GALNTL6: variants seen among roughly 807,000 people sequenced by gnomAD.
GALNTL6 encodes polypeptide N-acetylgalactosaminyltransferase like 6.
Under a neutral mutation model 73.7 loss-of-function variants are expected in GALNTL6, and 46 were observed. The observed-to-expected ratio is 0.62, with a 90% CI of 0.49 to 0.80. GALNTL6 has a LOEUF of 0.80. GALNTL6 is among the 30% of genes least tolerant of loss of function. The probability of loss-of-function intolerance (pLI) is 0.00; values close to 1 mark genes in which losing one functional copy is unlikely to be tolerated. For synonymous variants in GALNTL6, 259 were observed against 263.7 expected, an observed-to-expected ratio of 0.98 and a Z score of 0.17; for missense variants, 604 against 755.0, an observed-to-expected ratio of 0.80 and a Z score of 2.34.
chr4:173,012,209 C>T (rs1230752116), intron 11 of GALNTL6, among the ~76,000 whole-genome samples: 1 of 152,168 alleles, frequency 6.6e-6, no homozygotes, highest in Non-Finnish European at 1.5e-5. Context: ...CCCAGTAAGG[C>T]GTTACTGCCT....
chr4:172,727,331 T>A (rs1204916749), intron 5 of GALNTL6, among the ~76,000 whole-genome samples: 2 of 152,222 alleles, frequency 1.3e-5, no homozygotes, highest in Non-Finnish European at 2.9e-5. Flanking sequence ...TAGTCTCATT[T>A]TTTCAAGAGC....
At chr4:173,017,665 G>C (rs932808295) in intron 11 of GALNTL6, among the ~76,000 whole-genome samples, 4 of 152,296 alleles carry the variant, frequency 2.6e-5, no homozygotes, top group South Asian at 4.2e-4. Context: ...ATGCAGGAAA[G>C]TAATCAACAG....
At chr4:172,226,747 A>T (rs567397061) in intron 2 of GALNTL6, among the ~76,000 whole-genome samples, 14 of 151,542 alleles carry the variant, frequency 9.2e-5, no homozygotes, top group African/African-American at 3.1e-4. Context: ...TTCTGTCTCT[A>T]ATTTTGTTTG....
intron 2 of GALNTL6, among the ~76,000 whole-genome samples, chr4:172,084,529 A>G (rs1731970489): frequency 6.6e-6 from 1 of 152,180 alleles, no homozygotes; most frequent in South Asian, 2.1e-4. Context: ...GTACAGTGCA[A>G]TGGTGTGATC....
intron 2 of GALNTL6, among the ~76,000 whole-genome samples, chr4:171,899,732 T>G (rs7672431): frequency 0.022 from 3,318 of 152,294 alleles, 95 homozygotes; most frequent in African/African-American, 0.07. Flanking sequence ...TATTTGGACC[T>G]CTTTATATTG....
chr4:172,760,728 A>G (rs1298914711), intron 5 of GALNTL6, among the ~76,000 whole-genome samples: 1 of 152,098 alleles, frequency 6.6e-6, no homozygotes, highest in Non-Finnish European at 1.5e-5. Flanking sequence ...GGAGAGTGTG[A>G]GTTCTGTCTT....
At chr4:172,656,473 G>T (rs1731020615) in intron 5 of GALNTL6, among the ~76,000 whole-genome samples, 1 of 152,206 alleles carries the variant, frequency 6.6e-6, no homozygotes. Flanking sequence ...TGAACATAGT[G>T]GTGCTGGTGA....
chr4:172,307,412 G>C (rs907872376), intron 3 of GALNTL6, among the ~76,000 whole-genome samples: 1 of 151,996 alleles, frequency 6.6e-6, no homozygotes. Flanking sequence ...TGGGGTTCTT[G>C]GTCATGAAGT....
chr4:172,138,134 T>C (rs1733684669), intron 2 of GALNTL6, among the ~76,000 whole-genome samples: 1 of 151,914 alleles, frequency 6.6e-6, no homozygotes, highest in Admixed American at 6.6e-5. Context: ...TTCTAAAACC[T>C]CCCAAATGAA....
chr4:172,871,611 AGT>A (rs5864173), intron 7 of GALNTL6, among the ~76,000 whole-genome samples: 27,237 of 137,100 alleles, frequency 0.2, 2,785 homozygotes, highest in East Asian at 0.26. Context: ...TGTGTGTGAG[AGT>A]GTGTGTGTGT....
chr4:172,457,042 A>G (rs887092232), intron 5 of GALNTL6, among the ~76,000 whole-genome samples: 4 of 152,170 alleles, frequency 2.6e-5, no homozygotes, highest in African/African-American at 9.7e-5. Flanking sequence ...AGTGGGGGCC[A>G]ATATTCAACA....
intron 5 of GALNTL6, among the ~76,000 whole-genome samples, chr4:172,426,969 A>T (rs936512413): frequency 6.6e-6 from 1 of 151,972 alleles, no homozygotes. Context: ...CTGTGGGTCA[A>T]TGTGGTTATC....
chr4:172,478,547 C>T (rs1733324595), intron 5 of GALNTL6, among the ~76,000 whole-genome samples: 2 of 152,092 alleles, frequency 1.3e-5, no homozygotes, highest in Admixed American at 6.5e-5. Context: ...GGCTGGAAAC[C>T]ATAAAAATTC....
chr4:172,604,560 A>G (rs1466907255), intron 5 of GALNTL6, among the ~76,000 whole-genome samples: 3 of 152,218 alleles, frequency 2.0e-5, no homozygotes, highest in Admixed American at 1.3e-4. Context: ...AAACTTGAAA[A>G]TGTTTTATTG....
intron 4 of GALNTL6, among the ~76,000 whole-genome samples, chr4:172,318,842 CTA>C (rs1202404254): frequency 2.0e-5 from 3 of 151,956 alleles, no homozygotes; most frequent in Non-Finnish European, 4.4e-5. Flanking sequence ...TAAAAATAAA[CTA>C]TGGCTGCTTC....
At chr4:172,572,254 T>G (rs1430664838) in intron 5 of GALNTL6, among the ~76,000 whole-genome samples, 1 of 152,136 alleles carries the variant, frequency 6.6e-6, no homozygotes, top group Non-Finnish European at 1.5e-5. Flanking sequence ...GCCTTCCAAG[T>G]GTCATTTCTG....
chr4:172,251,783 G>A (rs936362119), intron 3 of GALNTL6, among the ~76,000 whole-genome samples: 5 of 152,104 alleles, frequency 3.3e-5, no homozygotes, highest in Admixed American at 3.3e-4. Flanking sequence ...AGGAATACTA[G>A]ACGGGCACTC....
At chr4:172,257,142 T>C (rs1437116302) in intron 3 of GALNTL6, among the ~76,000 whole-genome samples, 2 of 151,462 alleles carry the variant, frequency 1.3e-5, no homozygotes, top group African/African-American at 4.8e-5. Context: ...TCTGGACATA[T>C]ATGAAGTTCT....
chr4:172,472,170 C>G (rs536155019), intron 5 of GALNTL6, among the ~76,000 whole-genome samples: 1 of 152,252 alleles, frequency 6.6e-6, no homozygotes, highest in East Asian at 1.9e-4. Context: ...CTATTACATA[C>G]CAGGCATAGG....
Sources: allele counts gnomAD v4.1 joint callset (sites outside exome capture counted in the v4.1 genomes callset), GRCh38; gene constraint gnomAD v4.1.1; transcripts MANE v1.5; gene names NCBI Gene and HGNC (gene_info 2026-07-23, HGNC 2026-07-21).